HTR1F: variants seen among roughly 807,000 people sequenced by gnomAD.
HTR1F encodes 5-hydroxytryptamine receptor 1F.
Under a neutral mutation model 24.0 loss-of-function variants are expected in HTR1F, and 17 were observed. That is an observed-to-expected ratio of 0.71 (90% CI 0.48 to 1.06). HTR1F has a LOEUF of 1.06. Among genes scored for constraint, HTR1F ranks in the 50% least tolerant of loss-of-function variants. The probability of loss-of-function intolerance (pLI) is 0.00; values close to 1 mark genes in which losing one functional copy is unlikely to be tolerated. For synonymous variants in HTR1F, 186 were observed against 156.8 expected (o/e 1.19, Z -1.39); for missense variants, 391 against 427.8 (o/e 0.91, Z 0.76).
intron 2 of HTR1F, among the ~76,000 whole-genome samples, chr3:87,962,321 A>G (rs1195819884): frequency 6.6e-6 from 1 of 152,112 alleles, no homozygotes; most frequent in Non-Finnish European, 1.5e-5. Context: ...ATAAAGATTG[A>G]CAGTGTGAAA....
chr3:87,837,523 G>GA (rs1055748576), intron 2 of HTR1F, among the ~76,000 whole-genome samples: 4 of 151,808 alleles, frequency 2.6e-5, no homozygotes, highest in Middle Eastern at 3.4e-3. Context: ...AATCACAAGG[G>GA]AAAAAAATAG....
intron 2 of HTR1F, among the ~76,000 whole-genome samples, chr3:87,885,847 A>T (rs898925196): frequency 6.6e-5 from 10 of 152,178 alleles, no homozygotes; most frequent in African/African-American, 2.4e-4. Flanking sequence ...GGCAATAATC[A>T]ATAGCCTACC....
chr3:87,887,030 C>A (rs1705964428), intron 2 of HTR1F, among the ~76,000 whole-genome samples: 1 of 152,124 alleles, frequency 6.6e-6, no homozygotes, highest in Non-Finnish European at 1.5e-5. Context: ...CAACCCTAAG[C>A]AAAAAGAACA....
At chr3:87,799,125 TCA>T (rs1703954545) in intron 1 of HTR1F, among the ~76,000 whole-genome samples, 1 of 152,184 alleles carries the variant, frequency 6.6e-6, no homozygotes, top group Non-Finnish European at 1.5e-5. Flanking sequence ...TTTAAGTCCA[TCA>T]GTGAGAGTTG....
At chr3:87,906,285 T>C (rs1336563746) in intron 2 of HTR1F, among the ~76,000 whole-genome samples, 1 of 152,040 alleles carries the variant, frequency 6.6e-6, no homozygotes, top group Non-Finnish European at 1.5e-5. Flanking sequence ...TCTGTATTGA[T>C]ACCAAACTGT....
chr3:87,931,874 T>A (rs1478530098), intron 2 of HTR1F, among the ~76,000 whole-genome samples: 1 of 150,838 alleles, frequency 6.6e-6, no homozygotes, highest in Non-Finnish European at 1.5e-5. Flanking sequence ...TCATATCCTT[T>A]GCCCACTTTT....
intron 2 of HTR1F, among the ~76,000 whole-genome samples, chr3:87,887,510 A>G (rs1374010106): frequency 2.0e-5 from 3 of 152,190 alleles, no homozygotes; most frequent in African/African-American, 4.8e-5. Flanking sequence ...CTGCACAGCA[A>G]AAGAAACTAC....
intron 2 of HTR1F, among the ~76,000 whole-genome samples, chr3:87,841,815 G>A (rs565708961): frequency 1.0e-4 from 15 of 145,214 alleles, no homozygotes; most frequent in South Asian, 4.3e-4. Flanking sequence ...CAGAAGAATC[G>A]CTTGAACCCT....
intron 2 of HTR1F, among the ~76,000 whole-genome samples, chr3:87,870,132 T>C (rs1282250215): frequency 6.6e-6 from 1 of 152,098 alleles, no homozygotes; most frequent in Non-Finnish European, 1.5e-5. Context: ...GTAACAGGTA[T>C]TGTACATACT....
At chr3:87,964,984 T>G (rs1379197723) in intron 2 of HTR1F, among the ~76,000 whole-genome samples, 1 of 152,184 alleles carries the variant, frequency 6.6e-6, no homozygotes, top group African/African-American at 2.4e-5. Context: ...CTCTCTTGCC[T>G]GCTCCCATGT....
chr3:87,846,790 T>C (rs1032597399), intron 2 of HTR1F, among the ~76,000 whole-genome samples: 4 of 152,002 alleles, frequency 2.6e-5, no homozygotes, highest in Non-Finnish European at 5.9e-5. Context: ...CATTGTATTT[T>C]AGTTACATAA....
At chr3:87,937,941 AAAG>A (rs1204991487) in intron 2 of HTR1F, among the ~76,000 whole-genome samples, 2 of 150,294 alleles carry the variant, frequency 1.3e-5, no homozygotes, top group Non-Finnish European at 3.0e-5. Flanking sequence ...AAAAAAAAAA[AAAG>A]AAGAAAGAAA....
At chr3:87,972,561 T>C (rs1705307264) in intron 2 of HTR1F, among the ~76,000 whole-genome samples, 1 of 152,234 alleles carries the variant, frequency 6.6e-6, no homozygotes, top group Non-Finnish European at 1.5e-5. Flanking sequence ...CCATGTGGGC[T>C]ATCTCATGAT....
chr3:87,904,586 A>T (rs1444946483), intron 2 of HTR1F, among the ~76,000 whole-genome samples: 1 of 152,038 alleles, frequency 6.6e-6, no homozygotes, highest in Non-Finnish European at 1.5e-5. Context: ...GAAACTCACA[A>T]CCCAGATGTT....
intron 2 of HTR1F, among the ~76,000 whole-genome samples, chr3:87,914,393 G>A (rs1302483753): frequency 6.6e-6 from 1 of 152,152 alleles, no homozygotes; most frequent in Non-Finnish European, 1.5e-5. Flanking sequence ...AGATTCCATG[G>A]GCAGGGGAAG....
chr3:87,900,967 A>G (rs1436341532), intron 2 of HTR1F, among the ~76,000 whole-genome samples: 1 of 152,194 alleles, frequency 6.6e-6, no homozygotes, highest in East Asian at 1.9e-4. Flanking sequence ...ATACATACAT[A>G]GTAAGAAATG....
At chr3:87,919,674 C>G (rs1324493399) in intron 2 of HTR1F, among the ~76,000 whole-genome samples, 1 of 152,036 alleles carries the variant, frequency 6.6e-6, no homozygotes, top group Admixed American at 6.6e-5. Flanking sequence ...TATGATACCA[C>G]CTTACTCCAG....
intron 2 of HTR1F, among the ~76,000 whole-genome samples, chr3:87,895,217 T>A (rs1304003867): frequency 6.6e-6 from 1 of 152,166 alleles, no homozygotes; most frequent in East Asian, 1.9e-4. Flanking sequence ...ATCTCATGAA[T>A]TCTTGTGAAA....
In HTR1F at chr3:87,817,026, C is replaced by T. The variant is rs187118818; in HGVS notation, c.-159-4982C>T. Among the ~76,000 whole-genome samples the T allele has an allele frequency of 4.6e-5, 7 of 152,184 alleles. No homozygotes were observed. The East Asian group carries it at 1.4e-3, about 29-fold the overall frequency. ...ATGTAAGGTATTATGTATAGAAAAA[C>T]AGACCAATTTGAATGTTATGAGCTT... On this transcript the variant is annotated intron_variant, in intron 1 of 2. Transcript: ENST00000319595.
Sources: allele counts gnomAD v4.1 joint callset (sites outside exome capture counted in the v4.1 genomes callset), GRCh38; gene constraint gnomAD v4.1.1; transcripts MANE v1.5; gene names NCBI Gene and HGNC (gene_info 2026-07-23, HGNC 2026-07-21).